RPAIN: variants seen among roughly 807,000 people sequenced by gnomAD.
RPAIN encodes RPA-interacting protein.
RPAIN carries 29 observed loss-of-function variants against 30.5 expected under a neutral mutation model. The observed-to-expected ratio is 0.95, with a 90% CI of 0.71 to 1.30. The LOEUF (loss-of-function observed/expected upper bound fraction) is 1.30. Among genes scored for constraint, RPAIN ranks in the 50% most tolerant of loss-of-function variants. The probability of loss-of-function intolerance (pLI) is 0.00; values close to 1 mark genes in which losing one functional copy is unlikely to be tolerated. For synonymous variants in RPAIN, 101 were observed against 93.5 expected (o/e 1.08, Z -0.46); for missense variants, 247 against 264.7 (o/e 0.93, Z 0.46).
chr17:5,427,818 G>A (rs1301862509), intron 5 of RPAIN: 21 of 507,288 alleles, frequency 4.1e-5, no homozygotes, highest in East Asian at 3.2e-4. Flanking sequence ...ATCTCTGAGC[G>A]TTCTTCCTGC....
chr17:5,428,862 G>A, intron 6 of RPAIN: 1 of 987,014 alleles, frequency 1.0e-6, no homozygotes, highest in Non-Finnish European at 1.2e-6. Context: ...GGGGAGCCTT[G>A]GGATTAGGAG....
Position 5,426,000 on chromosome 17 carries a change from A to C in RPAIN, c.343A>C (p.Ser115Arg). 6.2e-7 allele frequency: 1 copy of C among 1,613,870 alleles called. No individual in the cohort carries two copies. Among genetic ancestry groups the C allele is most frequent in the Non-Finnish European group, 8.5e-7 (1 of 1,179,900 alleles). Residue 115 changes from serine (S) to arginine (R), a missense_variant, in exon 4 of 7, where the codon AGC (serine) becomes CGC (arginine). Coordinates refer to ENST00000381209, the MANE Select transcript of RPAIN (RefSeq NM_001033002.4). ...EQSIISEYEKSLQFDEKCLSI... is the reference protein window; with the variant it reads ...EQSIISEYEKRLQFDEKCLSI... ...GTCCATCATCAGCGAGTATGAGAAG[A>C]GCTTGCAGTTTGATGAAAAGTGTCT...
intron 3 of RPAIN, 116 bp from the exon 4 acceptor site, chr17:5,425,855 G>A: frequency 1.5e-6 from 1 of 655,172 alleles, no homozygotes; most frequent in Middle Eastern, 3.8e-4. Context: ...CATTGGTATT[G>A]TGGTCTTGCC....
Position 5,432,747 on chromosome 17 carries a change from A to AG in RPAIN, c.*181dup. Reference sequence around the variant, plus strand: ...CTTGGTCTTTTGTGACGCAGGTTGAAGGGGGAGGAATAGAAAAAGACAAAC... The same window carrying AG: ...CTTGGTCTTTTGTGACGCAGGTTGAAGGGGGGAGGAATAGAAAAAGACAAAC... On this transcript the variant is annotated 3_prime_UTR_variant, in exon 7 of 7. Coordinates refer to ENST00000381209, the MANE Select transcript of RPAIN (RefSeq NM_001033002.4). 1 of 770,552 alleles carries AG rather than the reference A, an allele frequency of 1.3e-6. No homozygotes were observed. The highest frequency in any genetic ancestry group is 2.7e-5 in the East Asian group (1 of 36,788). The allele number at this position is 770,552 out of a possible 1,614,324, so 47.7% of individuals were successfully genotyped here.
Position 5,426,116 on chromosome 17 carries a change from G to T in RPAIN, c.425+34G>T, listed in dbSNP as rs138420818. The T allele has an allele frequency of 7.0e-6, 11 of 1,575,538 alleles. No homozygotes were observed. The African/African-American group carries it at 1.2e-4, about 17-fold the overall frequency. On this transcript the variant is annotated intron_variant, in intron 4 of 6. Transcript: ENST00000381209. ...TTTTAAAACCTTTTCAGCATTATTC[G>T]TTCCCATTCCCCACTCCAAGGTGAG... is the stretch of plus-strand genomic sequence containing the variant.
At position 5,425,931 on chromosome 17, in the gene RPAIN, T is replaced by A. The variant is rs1166419394; in HGVS notation, c.314-40T>A. The stretch of plus-strand genomic sequence containing the variant: ...GTTTAGAATTAAATACAGGGCCAGC[T>A]GAAGCATGGTGAAGCCCTCCAACTG... On this transcript the variant is annotated intron_variant, in intron 3 of 6. Transcript: ENST00000381209. 4 of 1,336,882 alleles carry A rather than the reference T, an allele frequency of 3.0e-6. No homozygotes were observed. The East Asian group carries it at 9.2e-5, about 31-fold the overall frequency. The allele number at this position is 1,336,882 out of a possible 1,614,324, so 82.8% of individuals were successfully genotyped here.
intron 6 of RPAIN, 66 bp from the exon 7 acceptor site, chr17:5,432,476 C>A: frequency 1.4e-6 from 2 of 1,450,356 alleles, no homozygotes; most frequent in Non-Finnish European, 1.9e-6. Flanking sequence ...TTGATTACAA[C>A]TTTTATCAGA....
rs942600529 is a variant in RPAIN, at chr17:5,431,714, A to G, written c.631-828A>G. Reference sequence around the variant, plus strand: ...GAAAGATAGGGGTGGGTTACAGAAGATTGCACTCTATCACAAGACGAGGAA... The same window carrying G: ...GAAAGATAGGGGTGGGTTACAGAAGGTTGCACTCTATCACAAGACGAGGAA... On this transcript the variant is annotated intron_variant, in intron 6 of 6. Coordinates refer to ENST00000381209, the MANE Select transcript of RPAIN (RefSeq NM_001033002.4). The G allele has an allele frequency of 6.7e-6, 3 of 448,646 alleles. No homozygotes were observed. The Admixed American group carries it at 7.3e-5, about 11-fold the overall frequency. 27.8% of individuals were successfully genotyped at this position (448,646 alleles called of 1,614,324 possible).
chr17:5,431,949 GC>G (rs775117810), intron 6 of RPAIN: 2 of 261,456 alleles, frequency 7.6e-6, no homozygotes, highest in Non-Finnish European at 1.5e-5. Context: ...CAAGGTCATC[GC>G]CAAGGTCTGA....
At chr17:5,427,441 A>G (rs1265375330) in intron 5 of RPAIN, 1 of 152,182 alleles carries the variant, frequency 6.6e-6, no homozygotes, top group Non-Finnish European at 1.5e-5. Flanking sequence ...TCGCTGAGTC[A>G]CCTTTTTTAC....
In RPAIN at chr17:5,428,248, G is replaced by A. The variant is rs540773512; in HGVS notation, c.630+37G>A. On this transcript the variant is annotated intron_variant, in intron 6 of 6. Coordinates refer to ENST00000381209, the MANE Select transcript of RPAIN (RefSeq NM_001033002.4). ...CTGGGACCCACTCTGTGGTAAGAGG[G>A]ACCTGTGGTTGGTTTTATTCCCACC... 5.3e-5 allele frequency: 85 copies of A among 1,614,032 alleles called. 2 individuals are homozygous for A. The South Asian group carries it at 8.9e-4, about 17-fold the overall frequency.
intron 6 of RPAIN, chr17:5,430,173 CAG>C (rs1266479496): frequency 1.4e-5 from 2 of 143,616 alleles, no homozygotes; most frequent in East Asian, 4.3e-4. Flanking sequence ...GTCTCAAAAA[CAG>C]AATTGGTGGC....
chr17:5,423,869 C>T (rs1466010466), intron 3 of RPAIN, among the ~76,000 whole-genome samples: 2 of 152,006 alleles, frequency 1.3e-5, no homozygotes, highest in African/African-American at 4.8e-5. Flanking sequence ...CTTCCCACCT[C>T]AGCCTTCTGA....
At chr17:5,423,000 AG>A in intron 3 of RPAIN, 171 bp downstream of exon 3, 1 of 575,520 alleles carries the variant, frequency 1.7e-6, no homozygotes, top group Non-Finnish European at 3.1e-6. Context: ...CTCAATAATA[AG>A]GGTCTCCAGG....
intron 6 of RPAIN, chr17:5,432,336 G>A: frequency 1.8e-6 from 1 of 549,284 alleles, no homozygotes; most frequent in South Asian, 2.6e-5. Flanking sequence ...ATGGTTCCCA[G>A]GGCAGTTGTT....
At chr17:5,430,433 C>G (rs1269030887) in intron 6 of RPAIN, 2 of 152,472 alleles carry the variant, frequency 1.3e-5, no homozygotes, top group African/African-American at 4.8e-5. Flanking sequence ...CGCCACTGCT[C>G]TCCAGCCTGG....
Position 5,432,274 on chromosome 17 carries a change from T to C in RPAIN, c.631-268T>C, listed in dbSNP as rs556548306. On this transcript the variant is annotated intron_variant, in intron 6 of 6. Coordinates refer to ENST00000381209, the MANE Select transcript of RPAIN (RefSeq NM_001033002.4). The stretch of plus-strand genomic sequence containing the variant: ...AGTGGTTTCCTGATGGTGAGGATGT[T>C]TGATTAGTTCATCTACAGGATTTGA... The C allele has an allele frequency of 4.4e-5, 18 of 405,598 alleles. 1 individual carries two copies. Among genetic ancestry groups the C allele is most frequent in the East Asian group, 3.6e-4 (9 of 25,148 alleles). 25.1% of individuals were successfully genotyped at this position (405,598 alleles called of 1,614,324 possible). A position where few individuals can be genotyped will look rare whatever the true frequency, so the allele number is the denominator to read the frequency against.
intron 5 of RPAIN, 75 bp from the exon 6 acceptor site, chr17:5,427,996 G>T: frequency 7.0e-7 from 1 of 1,436,660 alleles, no homozygotes; most frequent in Non-Finnish European, 9.8e-7. Flanking sequence ...TATATTGGTT[G>T]GCATGAGGAA....
chr17:5,432,620 C>T lies in RPAIN; in HGVS notation c.*49C>T. ...CTATGGGGTTGAAGACAACTCATTC[C>T]CTCTGAGGAGCCTTGTACATACAAG... On this transcript the variant is annotated 3_prime_UTR_variant, in exon 7 of 7. Coordinates refer to ENST00000381209, the MANE Select transcript of RPAIN (RefSeq NM_001033002.4). The T allele has an allele frequency of 6.5e-7, 1 of 1,536,536 alleles. No individual in the cohort carries two copies. The highest frequency in any genetic ancestry group is 9.0e-7 in the Non-Finnish European group (1 of 1,109,488).
Sources: allele counts gnomAD v4.1 joint callset (sites outside exome capture counted in the v4.1 genomes callset), GRCh38; gene constraint gnomAD v4.1.1; transcripts MANE v1.5; gene names NCBI Gene and HGNC (gene_info 2026-07-23, HGNC 2026-07-21).